Variants in RALGAPA2 observed in about 807,000 individuals in gnomAD.
RALGAPA2 encodes the protein ral GTPase-activating protein subunit alpha-2.
RALGAPA2 carries 139 observed loss-of-function variants against 230.4 expected under a neutral mutation model. That is an observed-to-expected ratio of 0.60 (90% confidence interval 0.53 to 0.69). RALGAPA2 has a LOEUF of 0.69. Ranked by LOEUF, RALGAPA2 falls within the 30% of genes least tolerant of loss-of-function variation. The probability of loss-of-function intolerance (pLI) is 0.00; values close to 1 mark genes in which losing one functional copy is unlikely to be tolerated. For synonymous variants in RALGAPA2, 847 were observed against 837.8 expected (o/e 1.01, Z -0.19); for missense variants, 2,163 against 2,276.0 (o/e 0.95, Z 1.01).
At chr20:20,541,309 T>A (rs1316002249) in intron 24 of RALGAPA2, among the ~76,000 whole-genome samples, 1 of 152,186 alleles carries the variant, frequency 6.6e-6, no homozygotes, top group Non-Finnish European at 1.5e-5. Context: ...AAACCCTATA[T>A]ACACTATGGT....
rs201178329 is a variant in RALGAPA2, at chr20:20,472,898, C to T, written c.5426G>A (p.Ser1809Asn). The T allele has an allele frequency of 1.2e-3, 1,878 of 1,613,614 alleles. 1 individual carries two copies. The highest frequency in any genetic ancestry group is 1.4e-3 in the Non-Finnish European group (1,683 of 1,179,656). ...GTTGATGCACGTGGCACATACAAGGCTTGGCAGCAGCTTCCCACTCACTAT... is the reference window on the plus strand; with the variant it reads ...GTTGATGCACGTGGCACATACAAGGTTTGGCAGCAGCTTCCCACTCACTAT... ...GAIVSGKLLP[S>N]LVCATCINAS... Residue 1809 changes from serine (S) to asparagine (N), a missense_variant, in exon 37 of 40, where the codon AGC becomes AAC. Transcript: ENST00000202677.
chr20:20,505,348 C>G, intron 34 of RALGAPA2, 63 bp downstream of exon 34: 1 of 1,410,776 alleles, frequency 7.1e-7, no homozygotes, highest in Non-Finnish European at 9.4e-7. Flanking sequence ...TACACAATGT[C>G]TAGTTTGGAC....
chr20:20,504,772 T>A (rs372873072), intron 34 of RALGAPA2, among the ~76,000 whole-genome samples: 2 of 152,030 alleles, frequency 1.3e-5, no homozygotes, highest in Admixed American at 1.3e-4. Context: ...ATTTTAGATA[T>A]GTTGATTTCC....
intron 37 of RALGAPA2, among the ~76,000 whole-genome samples, chr20:20,431,437 G>C (rs1308294772): frequency 2.0e-5 from 3 of 152,212 alleles, no homozygotes; most frequent in Non-Finnish European, 4.4e-5. Flanking sequence ...TCTGGGCAGA[G>C]GGAGAGGATC....
chr20:20,571,884 G>A lies in RALGAPA2; in HGVS notation c.2964C>T (p.Ile988=), dbSNP rs199548054. The A allele has an allele frequency of 2.4e-5, 38 of 1,611,672 alleles. No homozygotes were observed. Among genetic ancestry groups the A allele is most frequent in the Non-Finnish European group, 2.5e-5 (30 of 1,178,740 alleles). The change falls in exon 22 of 40, where the codon ATC becomes ATT. Residue 988 remains isoleucine (I), a synonymous_variant. Transcript: ENST00000202677. ...NQSSPSPPVL[I]PPLRMFASWL... is the part of the protein sequence containing the mutation. ...ATGATGCAAACATTCTGAGTGGTGG[G>A]ATCAAAACTGGAGGAGATGGAGAAG...
chr20:20,623,742 C>G (rs1049313912), intron 10 of RALGAPA2, among the ~76,000 whole-genome samples: 1 of 152,156 alleles, frequency 6.6e-6, no homozygotes, highest in African/African-American at 2.4e-5. Context: ...TAAACTTATC[C>G]ATTTAGGTTT....
Position 20,712,497 on chromosome 20 carries a change from C to T in RALGAPA2, c.-17G>A, listed in dbSNP as rs765065005. 3 of 1,540,496 alleles carry T rather than the reference C, an allele frequency of 1.9e-6. No individual in the cohort carries two copies. The highest frequency in any genetic ancestry group is 4.0e-5 in the Admixed American group (2 of 49,644). On this transcript the variant is annotated 5_prime_UTR_variant, in exon 1 of 40. Coordinates refer to ENST00000202677, the MANE Select transcript of RALGAPA2 (RefSeq NM_020343.4). This position sits in a 1 kb window ranked among gnomAD's most constrained non-coding sequence, Gnocchi z 5.5. ...GGAGAACATCCCGCGGCAGGAAGCC[C>T]GGGCCCCGCCGGCGGGGCAGTAGGC... is the stretch of plus-strand genomic sequence containing the variant.
chr20:20,418,795 G>A (rs953679010), intron 37 of RALGAPA2, among the ~76,000 whole-genome samples: 4 of 152,166 alleles, frequency 2.6e-5, no homozygotes, highest in African/African-American at 9.7e-5. Flanking sequence ...ATGGAGTGCA[G>A]TGGAGCCATC....
intron 13 of RALGAPA2, 149 bp downstream of exon 13, chr20:20,615,894 C>A: frequency 1.8e-6 from 1 of 552,346 alleles, no homozygotes; most frequent in Non-Finnish European, 2.9e-6. Flanking sequence ...GGGTAACTAC[C>A]TTCTTCATAA....
chr20:20,675,692 A>T (rs1463474637), intron 3 of RALGAPA2, among the ~76,000 whole-genome samples: 1 of 152,192 alleles, frequency 6.6e-6, no homozygotes, highest in Non-Finnish European at 1.5e-5. Context: ...GATATGATCA[A>T]TGCACACAGA....
In RALGAPA2 at chr20:20,396,523, C is replaced by G. The variant is rs527743024; in HGVS notation, c.*35+172G>C. 1.8e-4 allele frequency among the ~76,000 whole-genome samples: 27 copies of G among 152,360 alleles called. No individual in the cohort carries two copies. The East Asian group carries it at 3.9e-3, about 22-fold the overall frequency. On this transcript the variant is annotated intron_variant, in intron 39 of 39. Transcript: ENST00000202677. ...AAAGGCAAGGCTGGGCTTCCCCGGG[C>G]AGCGCAGACATGCAGGGGCAGGAGT...
chr20:20,516,150 CCT>C (rs1032580169), intron 31 of RALGAPA2, among the ~76,000 whole-genome samples: 6 of 152,322 alleles, frequency 3.9e-5, no homozygotes, highest in Admixed American at 3.9e-4. Context: ...AAAACCACCC[CCT>C]GACCCTCAAA....
At chr20:20,581,043 T>C (rs998533678) in intron 20 of RALGAPA2, among the ~76,000 whole-genome samples, 4 of 152,208 alleles carry the variant, frequency 2.6e-5, no homozygotes, top group African/African-American at 9.6e-5. Flanking sequence ...ACATTACAGT[T>C]TGTCCTTTTC....
At chr20:20,469,905 A>T (rs1413003928) in intron 37 of RALGAPA2, among the ~76,000 whole-genome samples, 3 of 152,172 alleles carry the variant, frequency 2.0e-5, no homozygotes, top group African/African-American at 7.2e-5. Context: ...TCACTCAGAA[A>T]AGCAGTGGCC....
intron 1 of RALGAPA2, among the ~76,000 whole-genome samples, chr20:20,708,854 C>A (rs950778167): frequency 1.3e-5 from 2 of 152,142 alleles, no homozygotes; most frequent in South Asian, 2.1e-4. Context: ...AGTTCTATAT[C>A]CTAATTTAGG....
In RALGAPA2 at chr20:20,639,919, A is replaced by C; in HGVS notation, c.551-19T>G. ...ATCTTTACTGAAAGGACAGAAAATG[A>C]TGACAGCTCATTCACCAAAGTTAAA... On this transcript the variant is annotated intron_variant, in intron 6 of 39. Coordinates refer to ENST00000202677, the MANE Select transcript of RALGAPA2 (RefSeq NM_020343.4). 2 of 1,533,394 alleles carry C rather than the reference A, an allele frequency of 1.3e-6. No individual in the cohort carries two copies. The highest frequency in any genetic ancestry group is 1.8e-6 in the Non-Finnish European group (2 of 1,108,186). 95.0% of individuals were successfully genotyped at this position (1,533,394 alleles called of 1,614,324 possible).
rs771743004 is a variant in RALGAPA2, at chr20:20,536,777, C to T, written c.3293G>A (p.Arg1098His). The stretch of plus-strand genomic sequence containing the variant: ...GCCGAGGACAGTGACAGCCTCTGAA[C>T]GAGGCGCCTGCACATAAGGAAGAGG... ...VLSTDILTAP[R>H]SEAVTVLGSL... Residue 1098 changes from arginine to histidine, a missense_variant, in exon 25 of 40, where the codon CGT becomes CAT. Physicochemically the swap from Arg to His is conservative, Grantham distance 29 (BLOSUM62 0). Coordinates refer to ENST00000202677, the MANE Select transcript of RALGAPA2 (RefSeq NM_020343.4). 2.7e-5 allele frequency: 43 copies of T among 1,611,500 alleles called. No individual in the cohort carries two copies. The highest frequency in any genetic ancestry group is 4.0e-5 in the African/African-American group (3 of 74,834).
intron 37 of RALGAPA2, among the ~76,000 whole-genome samples, chr20:20,467,197 C>A (rs540761565): frequency 6.6e-6 from 1 of 152,260 alleles, no homozygotes; most frequent in Non-Finnish European, 1.5e-5. Flanking sequence ...TTATACCTGC[C>A]AGATGATAGT....
chr20:20,647,874 A>G (rs1603192220), intron 4 of RALGAPA2, among the ~76,000 whole-genome samples: 2 of 152,238 alleles, frequency 1.3e-5, no homozygotes, highest in African/African-American at 4.8e-5. Context: ...TGTTGAAGAG[A>G]ACGTGGAGTA....
Sources: gnomAD v4.1 joint callset for allele counts (sites outside exome capture counted in the v4.1 genomes callset) on GRCh38, gnomAD v4.1.1 for gene constraint, Gnocchi (gnomAD v3.1) non-coding constraint, MANE v1.5 for transcripts, NCBI Gene and HGNC (gene_info 2026-07-23, HGNC 2026-07-21) for gene names.